The following SCFD2 variants were observed in gnomAD, a reference collection of about 807,000 sequenced individuals.
SCFD2 encodes sec1 family domain containing 2, also known as sec1 family domain-containing protein 2.
Under a neutral mutation model 58.9 loss-of-function variants are expected in SCFD2, and 54 were observed. That is an observed-to-expected ratio of 0.92 (90% CI 0.74 to 1.15). The LOEUF is 1.15. SCFD2 is among the 50% of genes most tolerant of loss of function. The probability of loss-of-function intolerance (pLI) is 0.00; values close to 1 mark genes in which losing one functional copy is unlikely to be tolerated. For missense variants in SCFD2, 805 were observed against 836.6 expected, an observed-to-expected ratio of 0.96 and a Z score of 0.47; for synonymous variants, 321 against 335.9, an observed-to-expected ratio of 0.96 and a Z score of 0.49.
chr4:53,329,037 C>T (rs1056850674), intron 2 of SCFD2, among the ~76,000 whole-genome samples: 3 of 152,278 alleles, frequency 2.0e-5, no homozygotes, highest in South Asian at 2.1e-4. Context: ...CTTTTCGGAC[C>T]GGGTTAAAAA....
At chr4:52,954,442 G>A (rs1720666353) in intron 5 of SCFD2, among the ~76,000 whole-genome samples, 1 of 152,198 alleles carries the variant, frequency 6.6e-6, no homozygotes, top group Admixed American at 6.5e-5. Context: ...AAGTCGGGCG[G>A]GTGGCTACAA....
chr4:52,899,170 G>T (rs1719110691), intron 7 of SCFD2, among the ~76,000 whole-genome samples: 1 of 152,174 alleles, frequency 6.6e-6, no homozygotes, highest in African/African-American at 2.4e-5. Context: ...GTATTGTAAT[G>T]TGTGAATTTG....
chr4:53,212,776 G>A (rs1442845351), intron 4 of SCFD2, among the ~76,000 whole-genome samples: 1 of 151,642 alleles, frequency 6.6e-6, no homozygotes, highest in Non-Finnish European at 1.5e-5. Flanking sequence ...GGTGATGGTA[G>A]TTTTAAAAAG....
At chr4:52,944,404 G>T (rs1720369697) in intron 5 of SCFD2, among the ~76,000 whole-genome samples, 1 of 151,944 alleles carries the variant, frequency 6.6e-6, no homozygotes, top group Admixed American at 6.6e-5. Context: ...CAAATATCTG[G>T]GACTTAAGAG....
chr4:53,124,904 CAAT>C (rs1246421081), intron 5 of SCFD2, among the ~76,000 whole-genome samples: 4 of 152,172 alleles, frequency 2.6e-5, no homozygotes, highest in African/African-American at 9.7e-5. Flanking sequence ...GAACAAACAA[CAAT>C]AATAACTATA....
intron 7 of SCFD2, among the ~76,000 whole-genome samples, chr4:52,894,021 C>A (rs914136313): frequency 1.3e-5 from 2 of 152,158 alleles, no homozygotes; most frequent in African/African-American, 4.8e-5. Flanking sequence ...CCCCTCACCA[C>A]CAGCAGCTTT....
chr4:53,049,503 T>C (rs1723130448), intron 5 of SCFD2, among the ~76,000 whole-genome samples: 1 of 152,204 alleles, frequency 6.6e-6, no homozygotes, highest in South Asian at 2.1e-4. Flanking sequence ...TTAAATCACT[T>C]GTGCAAGCTT....
At chr4:53,114,258 C>T (rs1431101769) in intron 5 of SCFD2, among the ~76,000 whole-genome samples, 3 of 152,118 alleles carry the variant, frequency 2.0e-5, no homozygotes, top group African/African-American at 4.8e-5. Flanking sequence ...ACATACTACA[C>T]ATAGTATTAA....
chr4:53,365,293 T>A lies in SCFD2; in HGVS notation c.649A>T (p.Arg217Ter). ...TLTPELLLQIRCLVSGLSSLC... is the reference protein window; with the variant it reads ...TLTPELLLQI ...GAACTGAGGCCTGACACTAGGCATC[T>A]GATCTGCAGCAGCAGCTCTGGGGTT... Residue 217 changes from arginine (R) to a stop codon, truncating the protein, a stop_gained, in exon 1 of 9, where the codon AGA (arginine) becomes TGA (stop). Transcript: ENST00000401642. LOFTEE classifies it high-confidence loss of function. The surrounding 1 kb of genome is among the most constrained non-coding windows in gnomAD (Gnocchi z 4.3). 1 of 1,614,240 alleles carries A rather than the reference T, an allele frequency of 6.2e-7. No individual in the cohort carries two copies. The highest frequency in any genetic ancestry group is 1.1e-5 in the South Asian group (1 of 91,086).
intron 5 of SCFD2, among the ~76,000 whole-genome samples, chr4:53,030,986 A>G (rs986645688): frequency 8.5e-5 from 13 of 152,210 alleles, no homozygotes; most frequent in Non-Finnish European, 1.5e-4. Flanking sequence ...TAACAAATGC[A>G]TTATGCAAAG....
In SCFD2 at chr4:53,325,647, T is replaced by A. The variant is rs377459185; in HGVS notation, c.1008-11884A>T. Among the ~76,000 whole-genome samples, 107 of 152,308 alleles carry A rather than the reference T, an allele frequency of 7.0e-4. 1 individual carries two copies. In the South Asian group the frequency reaches 0.021, roughly 29 times the overall value. On this transcript the variant is annotated intron_variant, in intron 2 of 8. Coordinates refer to ENST00000401642, the MANE Select transcript of SCFD2 (RefSeq NM_152540.4). ...CAAAAAATAAAAATAAGTAGGTAAA[T>A]CTTAAATCCCAAAGGGAAGTCACTA... is the stretch of plus-strand genomic sequence containing the variant.
At chr4:53,338,575 C>CTGTTT (rs1733752203) in intron 2 of SCFD2, among the ~76,000 whole-genome samples, 1 of 72,296 alleles carries the variant, frequency 1.4e-5, no homozygotes, top group African/African-American at 5.1e-5. Flanking sequence ...GTATATTTTT[C>CTGTTT]TTTTTTTTTT....
intron 7 of SCFD2, among the ~76,000 whole-genome samples, chr4:52,895,936 G>A (rs1020493348): frequency 2.6e-5 from 4 of 152,138 alleles, no homozygotes; most frequent in African/African-American, 9.7e-5. Context: ...TTTTTCATGT[G>A]TTTTTTGGCT....
At chr4:52,998,951 TG>T (rs1439685219) in intron 5 of SCFD2, among the ~76,000 whole-genome samples, 1 of 152,214 alleles carries the variant, frequency 6.6e-6, no homozygotes, top group African/African-American at 2.4e-5. Context: ...AACCCTCATC[TG>T]GGGCAAAATC....
chr4:52,873,835 G>A lies in SCFD2; in HGVS notation c.*134C>T. 1 of 595,624 alleles carries A rather than the reference G, an allele frequency of 1.7e-6. No individual in the cohort carries two copies. Among genetic ancestry groups the A allele is most frequent in the Non-Finnish European group, 3.1e-6 (1 of 323,314 alleles). The allele number at this position is 595,624 out of a possible 1,614,324, so 36.9% of individuals were successfully genotyped here. ...AAGTACCTCACTGAGTAGGTATCAAGACCCTTCAGGCAGAATTCCATCATT... is the reference window on the plus strand; with the variant it reads ...AAGTACCTCACTGAGTAGGTATCAAAACCCTTCAGGCAGAATTCCATCATT... On this transcript the variant is annotated 3_prime_UTR_variant, in exon 9 of 9. Transcript: ENST00000401642.
chr4:52,916,784 T>C (rs1180617661), intron 6 of SCFD2, among the ~76,000 whole-genome samples: 1 of 152,206 alleles, frequency 6.6e-6, no homozygotes, highest in Admixed American at 6.5e-5. Flanking sequence ...AAGGAAAAGA[T>C]AAAATGTTGC....
intron 4 of SCFD2, among the ~76,000 whole-genome samples, chr4:53,256,344 G>T (rs1337497844): frequency 6.6e-6 from 1 of 150,886 alleles, no homozygotes; most frequent in African/African-American, 2.4e-5. Context: ...GGGCAGAGAC[G>T]CTCCTCACTT....
intron 5 of SCFD2, among the ~76,000 whole-genome samples, chr4:53,099,795 C>T (rs1239633700): frequency 6.6e-6 from 1 of 152,126 alleles, no homozygotes; most frequent in African/African-American, 2.4e-5. Flanking sequence ...TTAGGGACTA[C>T]CTCCAACACC....
chr4:53,091,578 A>G (rs1260168665), intron 5 of SCFD2, among the ~76,000 whole-genome samples: 1 of 152,176 alleles, frequency 6.6e-6, no homozygotes, highest in Non-Finnish European at 1.5e-5. Context: ...TTATTGCTAA[A>G]TAAGTTAATT....
Sources: allele counts gnomAD v4.1 joint callset (sites outside exome capture counted in the v4.1 genomes callset), GRCh38; gene constraint gnomAD v4.1.1; non-coding constraint Gnocchi (gnomAD v3.1); transcripts MANE v1.5; gene names NCBI Gene and HGNC (gene_info 2026-07-23, HGNC 2026-07-21).